Variants in SLC25A48 observed in about 807,000 individuals in gnomAD.
The protein encoded by SLC25A48 is solute carrier family 25 member 48.
A neutral mutation model predicts 32.2 loss-of-function variants in SLC25A48; 29 were observed. The observed-to-expected ratio is 0.90, with a 90% CI of 0.67 to 1.23. The LOEUF (loss-of-function observed/expected upper bound fraction) is 1.23. Among genes scored for constraint, SLC25A48 ranks in the 50% most tolerant of loss-of-function variants. SLC25A48 has a pLI of 0.00. For missense variants in SLC25A48, 399 were observed against 422.7 expected, an observed-to-expected ratio of 0.94 and a Z score of 0.49; for synonymous variants, 164 against 172.3, an observed-to-expected ratio of 0.95 and a Z score of 0.38.
chr5:135,766,036 G>T (rs940312401), intron 3 of SLC25A48, among the ~76,000 whole-genome samples: 2 of 151,520 alleles, frequency 1.3e-5, no homozygotes, highest in African/African-American at 4.9e-5. Context: ...CAGGGGGTGT[G>T]CACCTCCCCC....
intron 1 of SLC25A48, among the ~76,000 whole-genome samples, chr5:135,608,994 G>C (rs1269789030): frequency 6.6e-6 from 1 of 152,228 alleles, no homozygotes; most frequent in East Asian, 1.9e-4. Flanking sequence ...GGAAACAACA[G>C]CTGGCACTTT....
intron 3 of SLC25A48, among the ~76,000 whole-genome samples, chr5:135,791,271 CTG>C (rs1413067074): frequency 2.0e-5 from 3 of 151,816 alleles, no homozygotes; most frequent in African/African-American, 7.3e-5. Context: ...TGTGTACACT[CTG>C]TGATATTATT....
intron 4 of SLC25A48, among the ~76,000 whole-genome samples, chr5:135,863,723 C>T (rs1485054815): frequency 6.6e-6 from 1 of 152,048 alleles, no homozygotes; most frequent in Non-Finnish European, 1.5e-5. Context: ...CATAACTATC[C>T]CTTGGGGAGG....
intron 3 of SLC25A48, chr5:135,650,116 T>TCTCCA (rs1753071612): frequency 5.3e-6 from 1 of 187,890 alleles, no homozygotes; most frequent in South Asian, 8.9e-5. Flanking sequence ...TTTCTTTAGG[T>TCTCCA]GGCCCATAAT....
At chr5:135,587,652 T>C (rs898696696) in intron 1 of SLC25A48, among the ~76,000 whole-genome samples, 1 of 152,194 alleles carries the variant, frequency 6.6e-6, no homozygotes, top group African/African-American at 2.4e-5. Flanking sequence ...TTCATGAATC[T>C]TCTATGAAGA....
chr5:135,722,951 AG>A (rs1754996526), intron 3 of SLC25A48, among the ~76,000 whole-genome samples: 1 of 152,210 alleles, frequency 6.6e-6, no homozygotes, highest in African/African-American at 2.4e-5. Flanking sequence ...GCTGCCCATG[AG>A]GGGGTCACCC....
At chr5:135,846,669 C>T (rs1303504917) in intron 2 of SLC25A48, among the ~76,000 whole-genome samples, 1 of 152,124 alleles carries the variant, frequency 6.6e-6, no homozygotes, top group Non-Finnish European at 1.5e-5. Flanking sequence ...TGACATGAAG[C>T]TCATAGTTTT....
chr5:135,851,271 C>T (rs988815204), intron 3 of SLC25A48, among the ~76,000 whole-genome samples: 1 of 152,142 alleles, frequency 6.6e-6, no homozygotes, highest in Non-Finnish European at 1.5e-5. Flanking sequence ...GTGTGTCTTG[C>T]GTCAGGGTGG....
At chr5:135,872,084 TC>T in intron 5 of SLC25A48, 1 of 1,070,948 alleles carries the variant, frequency 9.3e-7, no homozygotes, top group Non-Finnish European at 1.2e-6. Context: ...GGAATCGGTT[TC>T]CCCATTTCAC....
chr5:135,718,156 T>C (rs6860750), intron 3 of SLC25A48, among the ~76,000 whole-genome samples: 65,260 of 151,678 alleles, frequency 0.43, 15,075 homozygotes, highest in Non-Finnish European at 0.52. Context: ...TACAGGTGCG[T>C]ACCACCATGC....
rs115291656 is a variant in SLC25A48, at chr5:135,622,131, T to C, written c.-848-7106T>C. On this transcript the variant is annotated intron_variant, in intron 1 of 10. Transcript: ENST00000646290. ...AAAAAATGCACAATAAAACAATATATCATTTTTCATATTTCCAGAGGAAAA... is the reference window on the plus strand; with the variant it reads ...AAAAAATGCACAATAAAACAATATACCATTTTTCATATTTCCAGAGGAAAA... Among the ~76,000 whole-genome samples, 1,364 of 152,258 alleles carry C rather than the reference T, an allele frequency of 9.0e-3. 24 individuals are homozygous for C. Among genetic ancestry groups the C allele is most frequent in the African/African-American group, 0.03 (1,264 of 41,556 alleles).
intron 1 of SLC25A48, among the ~76,000 whole-genome samples, chr5:135,619,406 AT>A (rs1292508637): frequency 1.3e-5 from 2 of 151,446 alleles, no homozygotes; most frequent in African/African-American, 4.9e-5. Context: ...TTCATACCTT[AT>A]TTTTCTGAAT....
At chr5:135,764,176 G>T (rs923556436) in intron 3 of SLC25A48, among the ~76,000 whole-genome samples, 1 of 152,040 alleles carries the variant, frequency 6.6e-6, no homozygotes, top group South Asian at 2.1e-4. Flanking sequence ...CATATGGCAG[G>T]GGGTGTACAT....
At position 135,721,260 on chromosome 5, in the gene SLC25A48, G is replaced by A. The variant is rs530294385; in HGVS notation, c.-521+86304G>A. The stretch of plus-strand genomic sequence containing the variant: ...TCTGTCGCCCAGGCTGGAGTACAAT[G>A]GCGTGATCTTGGCTCACTGAAACCT... On this transcript the variant is annotated intron_variant, in intron 3 of 10. Transcript: ENST00000646290. Among the ~76,000 whole-genome samples, 34 of 99,152 alleles carry A rather than the reference G, an allele frequency of 3.4e-4. No homozygotes were observed. In the East Asian group the frequency reaches 8.1e-3, roughly 24 times the overall value. 65.0% of individuals were successfully genotyped at this position (99,152 alleles called of 152,430 possible). A position where few individuals can be genotyped will look rare whatever the true frequency, so the allele number is the denominator to read the frequency against.
upstream of SLC25A48, among the ~76,000 whole-genome samples, chr5:135,833,035 A>T (rs1758266106): frequency 6.6e-6 from 1 of 152,230 alleles, no homozygotes; most frequent in Non-Finnish European, 1.5e-5. Context: ...CTGGCCACAG[A>T]GCCAGCATTC....
chr5:135,723,380 T>TCACACACA lies in SLC25A48; in HGVS notation c.-521+88451_-521+88458dup, dbSNP rs138387748. On this transcript the variant is annotated intron_variant, in intron 3 of 10. Coordinates refer to the SLC25A48 transcript ENST00000646290. Reference sequence around the variant, plus strand: ...GTCTCTCACTCTCTCTCTCTCTCTCTCACACACACACACACACACACACAC... The same window carrying TCACACACA: ...GTCTCTCACTCTCTCTCTCTCTCTCTCACACACACACACACACACACACACACACACAC... Among the ~76,000 whole-genome samples, 551 of 111,756 alleles carry TCACACACA rather than the reference T, an allele frequency of 4.9e-3. 3 individuals carry two copies. Among genetic ancestry groups the TCACACACA allele is most frequent in the Non-Finnish European group, 7.3e-3 (397 of 54,274 alleles). The allele number at this position is 111,756 out of a possible 152,430, so 73.3% of individuals were successfully genotyped here.
intron 3 of SLC25A48, among the ~76,000 whole-genome samples, chr5:135,771,076 G>A (rs961653226): frequency 6.7e-6 from 1 of 148,900 alleles, no homozygotes; most frequent in Non-Finnish European, 1.5e-5. Flanking sequence ...GGGAGAGAAT[G>A]ATATTACTTT....
At chr5:135,714,048 G>C (rs1042509959) in intron 3 of SLC25A48, among the ~76,000 whole-genome samples, 2 of 152,232 alleles carry the variant, frequency 1.3e-5, no homozygotes, top group Non-Finnish European at 2.9e-5. Context: ...TCTCCCGGTT[G>C]TGAGACTGAT....
At chr5:135,639,101 C>A (rs76211436) in intron 3 of SLC25A48, among the ~76,000 whole-genome samples, 1 of 152,158 alleles carries the variant, frequency 6.6e-6, no homozygotes, top group African/African-American at 2.4e-5. Context: ...GAAAAATATG[C>A]GGCCCAAAAA....
Sources: allele counts gnomAD v4.1 joint callset (sites outside exome capture counted in the v4.1 genomes callset), GRCh38; gene constraint gnomAD v4.1.1; transcripts MANE v1.5; gene names NCBI Gene and HGNC (gene_info 2026-07-23, HGNC 2026-07-21).